Variants in ANKRD30BL observed in about 807,000 individuals in gnomAD.
ANKRD30BL encodes the protein putative ankyrin repeat domain-containing protein 30B-like.
A neutral mutation model predicts 18.4 loss-of-function variants in ANKRD30BL; 20 were observed. The ratio of observed to expected loss-of-function variants is 1.09; its 90% CI spans 0.77 to 1.58. The LOEUF (loss-of-function observed/expected upper bound fraction) is 1.58. Among genes scored for constraint, ANKRD30BL ranks in the 40% most tolerant of loss-of-function variants. The pLI is 0.00. For synonymous variants in ANKRD30BL, 72 were observed against 100.9 expected (o/e 0.71, Z 1.72); for missense variants, 224 against 268.6 (o/e 0.83, Z 1.16).
chr2:132,182,465 AG>A (rs1558922608), intron 1 of ANKRD30BL, among the ~76,000 whole-genome samples: 1 of 151,568 alleles, frequency 6.6e-6, no homozygotes, highest in Non-Finnish European at 1.5e-5. Flanking sequence ...TGGGTGACAG[AG>A]CAAGACTCCA....
At chr2:132,204,010 G>T (rs1221040926) in intron 1 of ANKRD30BL, among the ~76,000 whole-genome samples, 16 of 152,184 alleles carry the variant, frequency 1.1e-4, no homozygotes, top group Admixed American at 9.2e-4. Flanking sequence ...TCAAATGAGA[G>T]TTATGGTTGT....
At chr2:132,204,232 A>C (rs1198605527) in intron 1 of ANKRD30BL, among the ~76,000 whole-genome samples, 1 of 152,004 alleles carries the variant, frequency 6.6e-6, no homozygotes, top group Non-Finnish European at 1.5e-5. Flanking sequence ...CTTTGAAGGA[A>C]CATAACCTGT....
chr2:132,244,873 G>A (rs1469721209), intron 1 of ANKRD30BL, among the ~76,000 whole-genome samples: 1 of 151,994 alleles, frequency 6.6e-6, no homozygotes, highest in Non-Finnish European at 1.5e-5. Context: ...TCTTTTTGTA[G>A]TATCTGCAAG....
intron 1 of ANKRD30BL, among the ~76,000 whole-genome samples, chr2:132,226,204 C>T (rs1679839635): frequency 6.6e-6 from 1 of 151,554 alleles, no homozygotes; most frequent in African/African-American, 2.4e-5. Context: ...TAGACAGAAG[C>T]ATTTTCTGAA....
chr2:132,194,963 G>A (rs1238006776), intron 1 of ANKRD30BL, among the ~76,000 whole-genome samples: 8 of 152,160 alleles, frequency 5.3e-5, no homozygotes, highest in African/African-American at 1.9e-4. Context: ...GCTTTATGAA[G>A]TAAATTTATA....
At chr2:132,232,547 T>G (rs1680051437) in intron 1 of ANKRD30BL, among the ~76,000 whole-genome samples, 1 of 151,956 alleles carries the variant, frequency 6.6e-6, no homozygotes, top group Admixed American at 6.6e-5. Context: ...TGCAGAAGCC[T>G]CAGGAGCTGA....
At chr2:132,254,491 C>T (rs902991576) in intron 1 of ANKRD30BL, among the ~76,000 whole-genome samples, 1 of 152,212 alleles carries the variant, frequency 6.6e-6, no homozygotes, top group Non-Finnish European at 1.5e-5. Flanking sequence ...ACTAAACCAT[C>T]CAATCAGGAG....
upstream of ANKRD30BL, among the ~76,000 whole-genome samples, chr2:132,164,104 C>T (rs970524848): frequency 1.4e-4 from 21 of 152,174 alleles, no homozygotes; most frequent in African/African-American, 4.3e-4. Context: ...ATTTGTCATC[C>T]GTTTGCTTAA....
chr2:132,229,668 G>C (rs1395892148), intron 1 of ANKRD30BL, among the ~76,000 whole-genome samples: 1 of 152,004 alleles, frequency 6.6e-6, no homozygotes, highest in Non-Finnish European at 1.5e-5. Context: ...TCTTAGTGAT[G>C]TGTGCATTCA....
At chr2:132,228,798 T>A (rs1047953791) in intron 1 of ANKRD30BL, among the ~76,000 whole-genome samples, 1 of 147,088 alleles carries the variant, frequency 6.8e-6, no homozygotes, top group Non-Finnish European at 1.5e-5. Flanking sequence ...AAAAGCAATC[T>A]GAAAAACTTC....
chr2:132,169,518 A>C (rs373987497), intron 1 of ANKRD30BL, among the ~76,000 whole-genome samples: 3 of 152,216 alleles, frequency 2.0e-5, no homozygotes, highest in East Asian at 3.9e-4. Context: ...GTCGTGGTGC[A>C]TGCCTGTAGT....
At chr2:132,184,423 G>A (rs1327283799) in intron 1 of ANKRD30BL, among the ~76,000 whole-genome samples, 1 of 152,162 alleles carries the variant, frequency 6.6e-6, no homozygotes, top group Admixed American at 6.6e-5. Flanking sequence ...GCTAAAAACT[G>A]AATTTTGTAG....
At chr2:132,160,565 A>C (rs923143738) in intron 1 of ANKRD30BL, among the ~76,000 whole-genome samples, 1 of 151,198 alleles carries the variant, frequency 6.6e-6, no homozygotes, top group Non-Finnish European at 1.5e-5. Context: ...CAGCCTCCCA[A>C]GTATCTGGGA....
At chr2:132,231,780 C>T (rs1268926195) in intron 1 of ANKRD30BL, among the ~76,000 whole-genome samples, 2 of 152,350 alleles carry the variant, frequency 1.3e-5, no homozygotes, top group Admixed American at 1.3e-4. Context: ...CCGCCATTAC[C>T]CAGGCTTGCT....
chr2:132,214,562 A>G (rs1679440747), intron 1 of ANKRD30BL, among the ~76,000 whole-genome samples: 1 of 151,866 alleles, frequency 6.6e-6, no homozygotes, highest in South Asian at 2.1e-4. Flanking sequence ...CATTCATATC[A>G]TGGAGTTGAA....
At chr2:132,213,282 G>A (rs1679404381) in intron 1 of ANKRD30BL, among the ~76,000 whole-genome samples, 1 of 151,984 alleles carries the variant, frequency 6.6e-6, no homozygotes, top group South Asian at 2.1e-4. Flanking sequence ...GCGATTTGAG[G>A]CCTATGGTGG....
At chr2:132,218,964 G>A (rs12617805) in intron 1 of ANKRD30BL, among the ~76,000 whole-genome samples, 9,090 of 151,914 alleles carry the variant, frequency 0.06, 324 homozygotes, top group South Asian at 0.12. Flanking sequence ...CGTTGGAAAC[G>A]GGAATATCTT....
upstream of ANKRD30BL, among the ~76,000 whole-genome samples, chr2:132,166,775 C>T (rs938925466): frequency 1.3e-5 from 2 of 151,990 alleles, no homozygotes; most frequent in African/African-American, 4.8e-5. Flanking sequence ...TTGATTTTCT[C>T]TATTGTTTTC....
intron 1 of ANKRD30BL, among the ~76,000 whole-genome samples, chr2:132,235,209 T>A (rs948133680): frequency 1.3e-5 from 2 of 152,138 alleles, no homozygotes; most frequent in African/African-American, 4.8e-5. Flanking sequence ...GAGCTATCTA[T>A]GACAAACCCA....
Sources: allele counts gnomAD v4.1 joint callset (sites outside exome capture counted in the v4.1 genomes callset), GRCh38; gene constraint gnomAD v4.1.1; transcripts MANE v1.5; gene names NCBI Gene and HGNC (gene_info 2026-07-23, HGNC 2026-07-21).